Variants in C10orf105 observed in about 807,000 individuals in gnomAD.
C10orf105 encodes chromosome 10 open reading frame 105.
Under a neutral mutation model 0.6 loss-of-function variants are expected in C10orf105, and 2 were observed. The observed-to-expected ratio is 3.18, with a 90% CI of 1.30 to 10.01. C10orf105 has a LOEUF of 10.01. C10orf105 is among the 30% of genes most tolerant of loss of function. The pLI is 0.04. For synonymous variants in C10orf105, 95 were observed against 82.4 expected, an observed-to-expected ratio of 1.15 and a Z score of -0.83; for missense variants, 209 against 191.4, an observed-to-expected ratio of 1.09 and a Z score of -0.54.
In C10orf105 at chr10:71,732,235, A is replaced by G. The variant is rs1258054683; in HGVS notation, c.-6+5493T>C. The G allele has an allele frequency of 1.9e-6, 3 of 1,613,728 alleles. No individual in the cohort carries two copies. The highest frequency in any genetic ancestry group is 2.5e-6 in the Non-Finnish European group (3 of 1,179,758). ...CTCCAATGCCTCATACGAGGCTGCC[A>G]TCCTGGAGAATCTGGCACTGGGTAC... On this transcript the variant is annotated intron_variant, in intron 1 of 1. Transcript: ENST00000398786.
Position 71,712,901 on chromosome 10 carries a change from A to T in C10orf105, c.*3035T>A. 6.7e-7 allele frequency: 1 copy of T among 1,490,730 alleles called. No individual in the cohort carries two copies. The highest frequency in any genetic ancestry group is 1.2e-5 in the South Asian group (1 of 83,736). 92.3% of individuals were successfully genotyped at this position (1,490,730 alleles called of 1,614,324 possible). A position where few individuals can be genotyped will look rare whatever the true frequency, so the allele number is the denominator to read the frequency against. ...CTGAGGGCACATGCTCAGTGGCACC[A>T]GAGGCGGAAGCAGGTGGGGGCCCAG... On this transcript the variant is annotated 3_prime_UTR_variant, in exon 2 of 2. Transcript: ENST00000441508.
At chr10:71,722,448 G>A (rs1271384427), upstream of C10orf105, among the ~76,000 whole-genome samples, 4 of 152,202 alleles carry the variant, frequency 2.6e-5, no homozygotes, top group African/African-American at 4.8e-5. Flanking sequence ...TCCTGCATTC[G>A]TGCTTACTGA....
At chr10:71,735,707 T>C (rs900106240) in intron 1 of C10orf105, among the ~76,000 whole-genome samples, 2 of 152,244 alleles carry the variant, frequency 1.3e-5, no homozygotes, top group African/African-American at 4.8e-5. Flanking sequence ...CTTGGGGTTC[T>C]TGGCCCCAAG....
At chr10:71,716,394 C>A in intron 1 of C10orf105, 52 bp from the exon 2 acceptor site, 1 of 1,424,886 alleles carries the variant, frequency 7.0e-7, no homozygotes, top group Non-Finnish European at 9.3e-7. Flanking sequence ...GGACCCAGGG[C>A]AGCGGGTATA....
chr10:71,733,718 A>C (rs1311225147), intron 1 of C10orf105, among the ~76,000 whole-genome samples: 1 of 152,252 alleles, frequency 6.6e-6, no homozygotes, highest in African/African-American at 2.4e-5. Flanking sequence ...ATTCTTAGCT[A>C]GTTGTCTGGT....
chr10:71,722,236 T>C (rs1397487162), upstream of C10orf105, among the ~76,000 whole-genome samples: 1 of 151,798 alleles, frequency 6.6e-6, no homozygotes, highest in Non-Finnish European at 1.5e-5. Context: ...AGCTCAGGAG[T>C]TCGAGACCAG....
chr10:71,712,555 G>A lies in C10orf105; in HGVS notation c.*3381C>T. The A allele has an allele frequency of 2.4e-6, 3 of 1,266,356 alleles. No homozygotes were observed. The highest frequency in any genetic ancestry group is 3.3e-6 in the Non-Finnish European group (3 of 897,296). The allele number at this position is 1,266,356 out of a possible 1,614,324, so 78.4% of individuals were successfully genotyped here. ...CCCCTTGCAAAGGCTAGGGCAGATG[G>A]GGCGGAACAGGGCACCTCTCTGGCC... On this transcript the variant is annotated 3_prime_UTR_variant, in exon 2 of 2. Coordinates refer to ENST00000441508, the MANE Select transcript of C10orf105 (RefSeq NM_001164375.3).
At chr10:71,735,515 C>T (rs1253805113) in intron 1 of C10orf105, among the ~76,000 whole-genome samples, 1 of 152,132 alleles carries the variant, frequency 6.6e-6, no homozygotes, top group Admixed American at 6.5e-5. Context: ...GACACTCAGC[C>T]ATCAATCTGG....
intron 1 of C10orf105, among the ~76,000 whole-genome samples, chr10:71,718,958 G>T (rs553426076): frequency 6.6e-6 from 1 of 152,006 alleles, no homozygotes; most frequent in East Asian, 1.9e-4. Context: ...TGTGCCTGTG[G>T]CCCCAGCTAC....
rs1461752899 is a variant in C10orf105 at position 71,716,251 on chromosome 10, A to C, written c.87T>G (p.Leu29=). ...FLSAPVTPGT[L]AEATDPLPML... ...TGGGGAGGGGGTCAGTTGCCTCTGC[A>C]AGGGTCCCGGGAGTGACGGGAGCTG... The change falls in exon 2 of 2, where the codon CTT becomes CTG. Residue 29 remains leucine (L), a synonymous_variant. Transcript: ENST00000441508. 2.6e-6 allele frequency: 4 copies of C among 1,549,046 alleles called. No homozygotes were observed. The highest frequency in any genetic ancestry group is 3.5e-6 in the Non-Finnish European group (4 of 1,145,706).
At chr10:71,729,236 T>C (rs1866951844) in intron 1 of C10orf105, among the ~76,000 whole-genome samples, 1 of 152,168 alleles carries the variant, frequency 6.6e-6, no homozygotes, top group African/African-American at 2.4e-5. Context: ...TGGTGCGTAA[T>C]TGCACAATTC....
At chr10:71,718,193 G>C (rs537351714) in intron 1 of C10orf105, among the ~76,000 whole-genome samples, 1 of 152,104 alleles carries the variant, frequency 6.6e-6, no homozygotes, top group Admixed American at 6.5e-5. Flanking sequence ...GTCAGGTCAC[G>C]CTCAGAGAAA....
chr10:71,734,001 G>T (rs958617465), intron 1 of C10orf105, among the ~76,000 whole-genome samples: 1 of 152,242 alleles, frequency 6.6e-6, no homozygotes, highest in African/African-American at 2.4e-5. Flanking sequence ...CTACAACAGA[G>T]GGGTAGTGGA....
In C10orf105 at chr10:71,712,714, C is replaced by T; in HGVS notation, c.*3222G>A. Reference sequence around the variant, plus strand: ...ACACGGGCACAGCCACCGTGTTCGTCACTGTCCTGGATGTGAATGACAACC... The same window carrying T: ...ACACGGGCACAGCCACCGTGTTCGTTACTGTCCTGGATGTGAATGACAACC... On this transcript the variant is annotated 3_prime_UTR_variant, in exon 2 of 2. Transcript: ENST00000441508. 1 of 1,613,740 alleles carries T rather than the reference C, an allele frequency of 6.2e-7. No homozygotes were observed. The highest frequency in any genetic ancestry group is 8.5e-7 in the Non-Finnish European group (1 of 1,179,878).
At position 71,715,992 on chromosome 10, in the gene C10orf105, G is replaced by A; in HGVS notation, c.346C>T (p.Pro116Ser). Residue 116 changes from proline to serine, a missense_variant, in exon 2 of 2, where the codon CCG becomes TCG. Pro to Ser is a moderately conservative substitution (Grantham distance 74). Coordinates refer to ENST00000441508, the MANE Select transcript of C10orf105 (RefSeq NM_001164375.3). ...GRPTVPRQPL[P>S]GPEDNRSHCD... is the part of the protein sequence containing the mutation. Reference sequence around the variant, plus strand: ...TGGCTGCGGTTGTCCTCGGGGCCCGGCAGGGGCTGTCGAGGGACGGTGGGC... The same window carrying A: ...TGGCTGCGGTTGTCCTCGGGGCCCGACAGGGGCTGTCGAGGGACGGTGGGC... 6.7e-7 allele frequency: 1 copy of A among 1,496,920 alleles called. No individual in the cohort carries two copies. The highest frequency in any genetic ancestry group is 8.9e-7 in the Non-Finnish European group (1 of 1,122,648). The allele number at this position is 1,496,920 out of a possible 1,614,324, so 92.7% of individuals were successfully genotyped here. A position where few individuals can be genotyped will look rare whatever the true frequency, so the allele number is the denominator to read the frequency against.
In C10orf105 at chr10:71,716,148, G is replaced by A; in HGVS notation, c.190C>T (p.Leu64=). 6.4e-7 allele frequency: 1 copy of A among 1,550,492 alleles called. No homozygotes were observed. The highest frequency in any genetic ancestry group is 1.2e-5 in the South Asian group (1 of 83,994). ...TGAGCCCTGCGGCGGCTCGGGTCCA[G>A]CGCGGCCGGCTTGCAGAGCGTCATG... ...LFMTLCKPAA[L]DPSRRRAHEC... Residue 64 remains leucine, a synonymous_variant, in exon 2 of 2, where the codon CTG becomes TTG. Coordinates refer to ENST00000441508, the MANE Select transcript of C10orf105 (RefSeq NM_001164375.3).
chr10:71,725,307 A>G lies in C10orf105; in HGVS notation c.-5-8965T>C, dbSNP rs904668949. On this transcript the variant is annotated intron_variant, in intron 1 of 1. Transcript: ENST00000398786. ...GTGAACTTCTGCCCCCAACCATGGC[A>G]GGCCAGCACAGCAGGAGACTTCTGG... 3.7e-6 allele frequency: 6 copies of G among 1,608,644 alleles called. No individual in the cohort carries two copies. The African/African-American group carries it at 8.0e-5, about 21-fold the overall frequency.
intron 1 of C10orf105, among the ~76,000 whole-genome samples, chr10:71,728,861 C>G (rs954940978): frequency 6.6e-6 from 1 of 152,154 alleles, no homozygotes; most frequent in South Asian, 2.1e-4. Context: ...ATGTCACCAC[C>G]CCCGGCTAAT....
chr10:71,730,787 G>C (rs1839350673), intron 1 of C10orf105, among the ~76,000 whole-genome samples: 1 of 152,246 alleles, frequency 6.6e-6, no homozygotes, highest in Non-Finnish European at 1.5e-5. Context: ...CAGCCTGAGA[G>C]GGTTGGAATC....
Sources: gnomAD v4.1 joint callset for allele counts (sites outside exome capture counted in the v4.1 genomes callset) on GRCh38, gnomAD v4.1.1 for gene constraint, MANE v1.5 for transcripts, NCBI Gene and HGNC (gene_info 2026-07-23, HGNC 2026-07-21) for gene names.